Variants in LRRC4C observed in about 807,000 individuals in gnomAD.
LRRC4C encodes the protein leucine rich repeat containing 4C.
LRRC4C carries 5 observed loss-of-function variants against 33.6 expected under a neutral mutation model. That is an observed-to-expected ratio of 0.15 (90% CI 0.08 to 0.31). The LOEUF is 0.31. Ranked by LOEUF, LRRC4C falls within the 10% of genes least tolerant of loss-of-function variation. The pLI is 1.00. For missense variants in LRRC4C, 560 were observed against 796.7 expected (o/e 0.70, Z 3.58); for synonymous variants, 329 against 302.0 (o/e 1.09, Z -0.93).
chr11:40,733,443 A>T (rs1032634303), intron 2 of LRRC4C, among the ~76,000 whole-genome samples: 23 of 152,106 alleles, frequency 1.5e-4, no homozygotes, highest in Admixed American at 6.5e-5. Context: ...CTATAAAAAC[A>T]TATTTGTTAA....
intron 1 of LRRC4C, among the ~76,000 whole-genome samples, chr11:41,097,652 G>A (rs1940898491): frequency 6.6e-6 from 1 of 151,998 alleles, no homozygotes; most frequent in Non-Finnish European, 1.5e-5. Flanking sequence ...ATACTACCAG[G>A]ACCAATTTTA....
intron 1 of LRRC4C, among the ~76,000 whole-genome samples, chr11:41,043,307 G>A (rs760759244): frequency 4.6e-5 from 7 of 151,876 alleles, no homozygotes; most frequent in East Asian, 1.9e-4. Flanking sequence ...CCATCAACAC[G>A]CTTAGAAAGA....
intron 1 of LRRC4C, among the ~76,000 whole-genome samples, chr11:40,969,552 C>A (rs186994464): frequency 2.8e-4 from 43 of 152,026 alleles, no homozygotes; most frequent in East Asian, 1.4e-3. Flanking sequence ...ACCTTAGCCA[C>A]CCCAACCTTC....
At chr11:40,416,210 C>T in intron 3 of LRRC4C, among the ~76,000 whole-genome samples, 1 of 152,140 alleles carries the variant, frequency 6.6e-6, no homozygotes, top group Middle Eastern at 3.2e-3. Flanking sequence ...TCATCTTGCA[C>T]TGGGCTCTAC....
At chr11:40,693,501 G>A (rs10837479) in intron 2 of LRRC4C, among the ~76,000 whole-genome samples, 1 of 151,898 alleles carries the variant, frequency 6.6e-6, no homozygotes, top group African/African-American at 2.4e-5. Flanking sequence ...GGCTCTGCAG[G>A]GGGTAGGTAA....
intron 5 of LRRC4C, among the ~76,000 whole-genome samples, chr11:40,202,372 C>A (rs1213307850): frequency 6.6e-6 from 1 of 151,886 alleles, no homozygotes; most frequent in African/African-American, 2.4e-5. Flanking sequence ...ATCCTCTAAC[C>A]TTGAGAAAAT....
intron 1 of LRRC4C, among the ~76,000 whole-genome samples, chr11:41,308,392 C>T (rs1361988542): frequency 6.6e-6 from 1 of 152,088 alleles, no homozygotes; most frequent in East Asian, 1.9e-4. Flanking sequence ...CAGCTCAAAA[C>T]CGGCAGTAGA....
intron 4 of LRRC4C, among the ~76,000 whole-genome samples, chr11:40,310,035 C>T (rs1052781844): frequency 2.0e-5 from 3 of 152,140 alleles, no homozygotes; most frequent in Non-Finnish European, 4.4e-5. Flanking sequence ...TGCCTTCTTA[C>T]TCACTAACTC....
intron 2 of LRRC4C, among the ~76,000 whole-genome samples, chr11:40,862,969 C>T (rs1954176100): frequency 6.6e-6 from 1 of 152,146 alleles, no homozygotes; most frequent in African/African-American, 2.4e-5. Context: ...GTTATTCATG[C>T]TTTGAGGTTC....
chr11:40,285,356 G>C (rs1430887801), intron 4 of LRRC4C, among the ~76,000 whole-genome samples: 1 of 152,124 alleles, frequency 6.6e-6, no homozygotes, highest in Non-Finnish European at 1.5e-5. Flanking sequence ...AAGAGTTTCA[G>C]GAAACCAGAG....
intron 2 of LRRC4C, among the ~76,000 whole-genome samples, chr11:40,802,863 C>A (rs1951095712): frequency 6.6e-6 from 1 of 152,224 alleles, no homozygotes; most frequent in Admixed American, 6.5e-5. Context: ...AGGACACTGA[C>A]ATTGCCCATC....
Position 40,453,624 on chromosome 11 carries a change from A to T in LRRC4C, c.-269-133903T>A, listed in dbSNP as rs181642293. On this transcript the variant is annotated intron_variant, in intron 3 of 6. Transcript: ENST00000528697. ...CACAAAAAGGCATTCTAAGAAAAAAAAAACAACTACGGACCAATATCCCTT... is the reference window on the plus strand; with the variant it reads ...CACAAAAAGGCATTCTAAGAAAAAATAAACAACTACGGACCAATATCCCTT... 6.4e-3 allele frequency among the ~76,000 whole-genome samples: 980 copies of T among 151,988 alleles called. 13 individuals carry two copies. The highest frequency in any genetic ancestry group is 0.023 in the African/African-American group (942 of 41,530).
intron 2 of LRRC4C, among the ~76,000 whole-genome samples, chr11:40,844,238 TA>T (rs58820785): frequency 0.045 from 6,326 of 141,144 alleles, 164 homozygotes; most frequent in East Asian, 0.11. Flanking sequence ...TAAAGTATAA[TA>T]AAAAAAAAAA....
intron 1 of LRRC4C, among the ~76,000 whole-genome samples, chr11:41,383,117 G>C (rs1412591533): frequency 6.6e-6 from 1 of 151,918 alleles, no homozygotes; most frequent in African/African-American, 2.4e-5. Flanking sequence ...CTATAAGCTG[G>C]CCGAAACTGG....
intron 3 of LRRC4C, among the ~76,000 whole-genome samples, chr11:40,548,677 G>A (rs1374032274): frequency 6.6e-6 from 1 of 152,138 alleles, no homozygotes. Context: ...GCTCTAGGAA[G>A]AACGAGGGGG....
intron 2 of LRRC4C, among the ~76,000 whole-genome samples, chr11:40,902,967 T>A (rs143557054): frequency 6.6e-6 from 1 of 152,320 alleles, no homozygotes; most frequent in African/African-American, 2.4e-5. Flanking sequence ...TTAAGATCAT[T>A]AATGAAGGTA....
chr11:40,180,325 T>C (rs772317768), intron 5 of LRRC4C, among the ~76,000 whole-genome samples: 28 of 152,242 alleles, frequency 1.8e-4, no homozygotes, highest in Admixed American at 2.6e-4. Flanking sequence ...GAAAATAAGA[T>C]GATGAATAAT....
intron 3 of LRRC4C, among the ~76,000 whole-genome samples, chr11:40,382,336 G>C: frequency 6.6e-6 from 1 of 151,088 alleles, no homozygotes; most frequent in East Asian, 1.9e-4. Context: ...TGTAATTATT[G>C]ATGGCCTTTT....
At chr11:40,879,227 T>G (rs1276104469) in intron 2 of LRRC4C, among the ~76,000 whole-genome samples, 1 of 152,102 alleles carries the variant, frequency 6.6e-6, no homozygotes, top group Non-Finnish European at 1.5e-5. Flanking sequence ...TATTAAAGGT[T>G]TAAAATCTTA....
Sources: allele counts gnomAD v4.1 joint callset (sites outside exome capture counted in the v4.1 genomes callset), GRCh38; gene constraint gnomAD v4.1.1; transcripts MANE v1.5; gene names NCBI Gene and HGNC (gene_info 2026-07-23, HGNC 2026-07-21).